The following SLC25A24 variants were observed in gnomAD, a reference collection of about 807,000 sequenced individuals.
SLC25A24 encodes the protein solute carrier family 25 member 24.
SLC25A24 carries 49 observed loss-of-function variants against 60.7 expected under a neutral mutation model. The observed-to-expected ratio is 0.81, with a 90% CI of 0.64 to 1.02. The LOEUF (loss-of-function observed/expected upper bound fraction) is 1.02. Ranked by LOEUF, SLC25A24 falls within the 50% of genes least tolerant of loss-of-function variation. The pLI, the probability that SLC25A24 is intolerant of heterozygous loss-of-function variation, is 0.00. For missense variants in SLC25A24, 564 were observed against 586.3 expected (o/e 0.96, Z 0.39); for synonymous variants, 202 against 200.6 (o/e 1.01, Z -0.06).
At chr1:108,195,649 A>G (rs1208007017) in intron 1 of SLC25A24, among the ~76,000 whole-genome samples, 3 of 152,158 alleles carry the variant, frequency 2.0e-5, no homozygotes, top group African/African-American at 7.2e-5. Context: ...CTGTGATTTC[A>G]TATCATGTCT....
At position 108,178,092 on chromosome 1, in the gene SLC25A24, A is replaced by G. The variant is rs1027817076; in HGVS notation, c.398+3849T>C. ...GCAGGAGAATCGCTTGAACCGTGAG[A>G]CGGGGGCTGCAGTGAGCCGAGACCC... On this transcript the variant is annotated intron_variant, in intron 3 of 9. Transcript: ENST00000565488. 2.6e-5 allele frequency among the ~76,000 whole-genome samples: 4 copies of G among 151,974 alleles called. No homozygotes were observed. In the South Asian group the frequency reaches 8.3e-4, roughly 32 times the overall value.
rs1284274605 is a variant in SLC25A24 at position 108,135,024 on chromosome 1, G to A, written c.*1629C>T. ...ACAATGAATATTTTCATATTTTCCAGAAGTTTGAAATTTCAAAGTTGTTAG... is the reference window on the plus strand; with the variant it reads ...ACAATGAATATTTTCATATTTTCCAAAAGTTTGAAATTTCAAAGTTGTTAG... On this transcript the variant is annotated 3_prime_UTR_variant, in exon 10 of 10. Coordinates refer to ENST00000565488, the MANE Select transcript of SLC25A24 (RefSeq NM_013386.5). The A allele has an allele frequency of 6.6e-6, 1 of 151,964 alleles. No individual in the cohort carries two copies. Among genetic ancestry groups the A allele is most frequent in the Non-Finnish European group, 1.5e-5 (1 of 67,980 alleles). 9.4% of individuals were successfully genotyped at this position (151,964 alleles called of 1,614,324 possible). A position where few individuals can be genotyped will look rare whatever the true frequency, so the allele number is the denominator to read the frequency against.
At chr1:108,160,119 A>T (rs1474471782) in intron 4 of SLC25A24, among the ~76,000 whole-genome samples, 1 of 150,604 alleles carries the variant, frequency 6.6e-6, no homozygotes, top group Admixed American at 6.6e-5. Context: ...TCCCTCCCGG[A>T]CAGGGTGGCT....
intron 5 of SLC25A24, among the ~76,000 whole-genome samples, chr1:108,156,855 A>T (rs1022283503): frequency 6.6e-6 from 1 of 152,230 alleles, no homozygotes; most frequent in Non-Finnish European, 1.5e-5. Flanking sequence ...GTTGTAAAGG[A>T]AAAGTCAATT....
rs1648399201 is a variant in SLC25A24, at chr1:108,193,153, T to C, written c.183+6803A>G. On this transcript the variant is annotated intron_variant, in intron 1 of 9. Transcript: ENST00000565488. Reference sequence around the variant, plus strand: ...GCTGCACCTGTCTAGGAATCCTTCTTTTTAAAAATCCTTATAATGATTTTT... The same window carrying C: ...GCTGCACCTGTCTAGGAATCCTTCTCTTTAAAAATCCTTATAATGATTTTT... Among the ~76,000 whole-genome samples, 2 of 140,176 alleles carry C rather than the reference T, an allele frequency of 1.4e-5. 1 individual carries two copies. Among genetic ancestry groups the C allele is most frequent in the Admixed American group, 1.6e-4 (2 of 12,512 alleles). 92.0% of individuals were successfully genotyped at this position (140,176 alleles called of 152,430 possible). A position where few individuals can be genotyped will look rare whatever the true frequency, so the allele number is the denominator to read the frequency against.
chr1:108,149,659 G>A (rs1199639571), intron 6 of SLC25A24, among the ~76,000 whole-genome samples: 1 of 152,162 alleles, frequency 6.6e-6, no homozygotes, highest in Non-Finnish European at 1.5e-5. Flanking sequence ...TCAGAAATGT[G>A]AGGGGGTCTC....
chr1:108,156,713 G>C (rs1679909843), intron 5 of SLC25A24, among the ~76,000 whole-genome samples: 1 of 152,162 alleles, frequency 6.6e-6, no homozygotes, highest in South Asian at 2.1e-4. Context: ...GATATTGCTT[G>C]ATTCTTAAAC....
At chr1:108,161,871 T>C (rs1181281008) in intron 3 of SLC25A24, among the ~76,000 whole-genome samples, 3 of 151,748 alleles carry the variant, frequency 2.0e-5, no homozygotes, top group East Asian at 3.9e-4. Flanking sequence ...TATGTATACA[T>C]GTGCCTTGCT....
At chr1:108,198,441 T>C (rs911678248) in intron 1 of SLC25A24, 1 of 152,204 alleles carries the variant, frequency 6.6e-6, no homozygotes, top group African/African-American at 2.4e-5. Flanking sequence ...TCAAAATTTA[T>C]CTTACGAAAG....
chr1:108,143,665 C>A lies in SLC25A24; in HGVS notation c.976G>T (p.Gly326Ter). The A allele has an allele frequency of 2.5e-6, 4 of 1,613,666 alleles. No homozygotes were observed. The highest frequency in any genetic ancestry group is 3.4e-6 in the Non-Finnish European group (4 of 1,179,780). Residue 326 changes from glycine to a stop codon, truncating the protein, a stop_gained, in exon 8 of 10, where the codon GGA becomes TGA. Transcript: ENST00000565488. LOFTEE classifies it high-confidence loss of function. ...LAVGKTGQYS[G>*]IYDCAKKILK... The stretch of plus-strand genomic sequence containing the variant: ...ATCTTCTTGGCACAATCATATATTC[C>A]AGAGTACTGCCCAGTTTTGCCTACA...
At chr1:108,194,977 A>T (rs1487757178) in intron 1 of SLC25A24, among the ~76,000 whole-genome samples, 3 of 152,232 alleles carry the variant, frequency 2.0e-5, no homozygotes, top group Non-Finnish European at 2.9e-5. Flanking sequence ...CCACTAAAAC[A>T]GTTAATGTGT....
intron 3 of SLC25A24, among the ~76,000 whole-genome samples, chr1:108,170,731 A>G (rs1647434380): frequency 6.6e-6 from 1 of 152,114 alleles, no homozygotes; most frequent in African/African-American, 2.4e-5. Context: ...AACAGTTGAT[A>G]TTAACATAGC....
At position 108,154,976 on chromosome 1, in the gene SLC25A24, C is replaced by A. The variant is rs1173967568; in HGVS notation, c.822+7G>T. 2 of 1,602,520 alleles carry A rather than the reference C, an allele frequency of 1.2e-6. No individual in the cohort carries two copies. Among genetic ancestry groups the A allele is most frequent in the Admixed American group, 1.7e-5 (1 of 58,172 alleles). On this transcript the variant is annotated splice_region_variant and intron_variant, in intron 6 of 9. Transcript: ENST00000565488. ...TGTTAATAAATTCCACGGGTGATAACAATTACCTGTTCATATGCCCAGAAT... is the reference window on the plus strand; with the variant it reads ...TGTTAATAAATTCCACGGGTGATAAAAATTACCTGTTCATATGCCCAGAAT...
At chr1:108,138,918 C>T (rs1429314075) in intron 9 of SLC25A24, 140 bp downstream of exon 9, 6 of 831,572 alleles carry the variant, frequency 7.2e-6, no homozygotes, top group Non-Finnish European at 1.0e-5. Context: ...GAAAAGATTC[C>T]TTAAGGAGGC....
intron 3 of SLC25A24, among the ~76,000 whole-genome samples, chr1:108,170,918 G>A (rs1647438909): frequency 6.6e-6 from 1 of 151,860 alleles, no homozygotes; most frequent in African/African-American, 2.4e-5. Flanking sequence ...AAACCCCCAG[G>A]GAAACAGGAT....
chr1:108,198,273 T>C (rs1410560450), intron 1 of SLC25A24, among the ~76,000 whole-genome samples: 1 of 152,174 alleles, frequency 6.6e-6, no homozygotes, highest in African/African-American at 2.4e-5. Flanking sequence ...ACCTGCAGAA[T>C]AGGAGACTTT....
chr1:108,169,808 T>A (rs898362341), intron 3 of SLC25A24, among the ~76,000 whole-genome samples: 2 of 152,198 alleles, frequency 1.3e-5, no homozygotes, highest in African/African-American at 4.8e-5. Flanking sequence ...TTTCTAGAAA[T>A]TCACCTACTT....
intron 1 of SLC25A24, 137 bp downstream of exon 1, chr1:108,199,819 C>G (rs1259627834): frequency 2.9e-6 from 2 of 688,420 alleles, no homozygotes; most frequent in African/African-American, 1.8e-5. Flanking sequence ...GTTTCTGAAG[C>G]CACCGGAGCG....
At chr1:108,153,601 G>T (rs527370360) in intron 6 of SLC25A24, among the ~76,000 whole-genome samples, 5 of 152,274 alleles carry the variant, frequency 3.3e-5, no homozygotes, top group Non-Finnish European at 5.9e-5. Context: ...CCTTCAGCAG[G>T]AGGAGAGAAA....
Sources: gnomAD v4.1 joint callset for allele counts (sites outside exome capture counted in the v4.1 genomes callset) on GRCh38, gnomAD v4.1.1 for gene constraint, MANE v1.5 for transcripts, NCBI Gene and HGNC (gene_info 2026-07-23, HGNC 2026-07-21) for gene names.